SIPA1L2: variants seen among roughly 807,000 people sequenced by gnomAD.
The protein encoded by SIPA1L2 is signal-induced proliferation-associated 1-like protein 2.
Under a neutral mutation model 163.9 loss-of-function variants are expected in SIPA1L2, and 56 were observed. The observed-to-expected ratio is 0.34, with a 90% CI of 0.28 to 0.43. The LOEUF (loss-of-function observed/expected upper bound fraction) is 0.43, where lower values mean the gene tolerates loss of function less well. Among genes scored for constraint, SIPA1L2 ranks in the 20% least tolerant of loss-of-function variants. The pLI, the probability that SIPA1L2 is intolerant of heterozygous loss-of-function variation, is 1.00. For synonymous variants in SIPA1L2, 877 were observed against 865.7 expected (o/e 1.01, Z -0.23); for missense variants, 1,974 against 2,193.5 (o/e 0.90, Z 2.00).
At chr1:232,582,755 T>C (rs552404532) in intron 1 of SIPA1L2, among the ~76,000 whole-genome samples, 17 of 152,332 alleles carry the variant, frequency 1.1e-4, no homozygotes, top group Admixed American at 9.8e-4. Context: ...TGAACTAATC[T>C]GCATTCCCCC....
At position 232,465,493 on chromosome 1, in the gene SIPA1L2, T is replaced by TACAC. The variant is rs1339800053; in HGVS notation, c.2244-78_2244-77insGTGT. The TACAC allele has an allele frequency of 6.2e-6, 7 of 1,134,996 alleles. No individual in the cohort carries two copies. The highest frequency in any genetic ancestry group is 7.6e-6 in the Non-Finnish European group (6 of 785,392). 70.3% of individuals were successfully genotyped at this position (1,134,996 alleles called of 1,614,324 possible). The stretch of plus-strand genomic sequence containing the variant: ...TGTATCTTTCCGAATTTGACATATA[T>TACAC]ATACACACACACACACATATACATA... On this transcript the variant is annotated intron_variant, in intron 8 of 22. Coordinates refer to ENST00000674635, the MANE Select transcript of SIPA1L2 (RefSeq NM_020808.5). The surrounding 1 kb of genome is among the most constrained non-coding windows in gnomAD (Gnocchi z 4.1).
At chr1:232,497,981 T>A (rs1316360859) in intron 3 of SIPA1L2, among the ~76,000 whole-genome samples, 1 of 152,178 alleles carries the variant, frequency 6.6e-6, no homozygotes, top group African/African-American at 2.4e-5. Context: ...TCCTGCTCCC[T>A]CTGCCTGGAA....
At chr1:232,534,651 A>G (rs1573041526) in intron 2 of SIPA1L2, among the ~76,000 whole-genome samples, 1 of 152,348 alleles carries the variant, frequency 6.6e-6, no homozygotes, top group African/African-American at 2.4e-5. Flanking sequence ...GTATCTGATA[A>G]GCAGGAGTGT....
Position 232,464,976 on chromosome 1 carries a change from C to G in SIPA1L2, c.2684G>C (p.Cys895Ser). 1 of 1,614,178 alleles carries G rather than the reference C, an allele frequency of 6.2e-7. No homozygotes were observed. The highest frequency in any genetic ancestry group is 8.5e-7 in the Non-Finnish European group (1 of 1,180,034). The change falls in exon 9 of 23, where the codon TGT becomes TCT. Residue 895 changes from cysteine (C) to serine (S), a missense_variant. Cys to Ser is a moderately radical substitution (Grantham distance 112). Around this residue, in one of 3 missense-constraint regions of SIPA1L2, gnomAD observed 1,079 missense variants for 1,150.7 expected, o/e 0.94. Coordinates refer to ENST00000674635, the MANE Select transcript of SIPA1L2 (RefSeq NM_020808.5). ...CCACCCAATCACATCCCTGCAGGAA[C>G]AGTTGAATACAACATTCTTGGAATC... is the stretch of plus-strand genomic sequence containing the variant. ...EKDSKNVVFN[C>S]SCRDVIGWTS...
intron 2 of SIPA1L2, among the ~76,000 whole-genome samples, chr1:232,523,825 T>C (rs1259750104): frequency 6.6e-6 from 1 of 151,988 alleles, no homozygotes; most frequent in Non-Finnish European, 1.5e-5. Flanking sequence ...GTGCAAAGCG[T>C]GTCCCATCAC....
chr1:232,593,146 A>T (rs906227359), intron 1 of SIPA1L2, among the ~76,000 whole-genome samples: 2 of 152,246 alleles, frequency 1.3e-5, no homozygotes, highest in African/African-American at 2.4e-5. Flanking sequence ...ACGTATTTAC[A>T]ACAAACACAA....
At chr1:232,582,131 A>T (rs150732512) in intron 1 of SIPA1L2, among the ~76,000 whole-genome samples, 1 of 152,350 alleles carries the variant, frequency 6.6e-6, no homozygotes, top group East Asian at 1.9e-4. Context: ...TTTGTTGATG[A>T]TGATGTCATG....
At chr1:232,593,666 C>T (rs146685355) in intron 1 of SIPA1L2, among the ~76,000 whole-genome samples, 136 of 152,240 alleles carry the variant, frequency 8.9e-4, no homozygotes, top group Non-Finnish European at 1.7e-3. Flanking sequence ...GAGTGGCCAG[C>T]ATTTTCCAAC....
intron 16 of SIPA1L2, among the ~76,000 whole-genome samples, chr1:232,431,408 C>T (rs1662231615): frequency 6.6e-6 from 1 of 152,118 alleles, no homozygotes; most frequent in Non-Finnish European, 1.5e-5. Context: ...GTATTTAAGA[C>T]ACAGGATCAT....
chr1:232,505,443 T>C (rs1181703035), intron 3 of SIPA1L2, among the ~76,000 whole-genome samples: 1 of 152,170 alleles, frequency 6.6e-6, no homozygotes, highest in Non-Finnish European at 1.5e-5. Flanking sequence ...TGTAAAGAAA[T>C]ATTAAGTCTT....
At chr1:232,442,708 G>T (rs1341539056) in intron 12 of SIPA1L2, among the ~76,000 whole-genome samples, 1 of 152,050 alleles carries the variant, frequency 6.6e-6, no homozygotes, top group Non-Finnish European at 1.5e-5. Flanking sequence ...GAAGACCTTG[G>T]TTTACAGAAA....
In SIPA1L2 at chr1:232,432,475, A is replaced by G. The variant is rs1662303389; in HGVS notation, c.4032-4T>C. 6.2e-7 allele frequency: 1 copy of G among 1,613,262 alleles called. No individual in the cohort carries two copies. Among genetic ancestry groups the G allele is most frequent in the African/African-American group, 1.3e-5 (1 of 74,920 alleles). ...GCTTCCTGAATGGTGAGAACCACTG[A>G]GGAGAAAAACAGACAAAAGCTGCAA... is the stretch of plus-strand genomic sequence containing the variant. On this transcript the variant is annotated splice_region_variant and splice_polypyrimidine_tract_variant and intron_variant, in intron 15 of 22. Transcript: ENST00000674635.
In SIPA1L2 at chr1:232,515,356, C is replaced by A; in HGVS notation, c.-17G>T. On this transcript the variant is annotated 5_prime_UTR_variant, in exon 3 of 23. Transcript: ENST00000674635. Reference sequence around the variant, plus strand: ...GTCACTCATGTCTACCGAGGAAGAGCCTCCAAGTCTCACCAGGAAGACTGA... The same window carrying A: ...GTCACTCATGTCTACCGAGGAAGAGACTCCAAGTCTCACCAGGAAGACTGA... The A allele has an allele frequency of 1.3e-6, 2 of 1,553,330 alleles. No homozygotes were observed. The highest frequency in any genetic ancestry group is 1.7e-4 in the Middle Eastern group (1 of 5,772).
intron 1 of SIPA1L2, among the ~76,000 whole-genome samples, chr1:232,591,812 A>G (rs1660980079): frequency 6.6e-6 from 1 of 152,204 alleles, no homozygotes; most frequent in Admixed American, 6.5e-5. Flanking sequence ...CTACTTCAAA[A>G]TCCAGTTTAT....
At position 232,540,725 on chromosome 1, in the gene SIPA1L2, A is replaced by AAG. The variant is rs567809990; in HGVS notation, c.-269-25119_-269-25118dup. Among the ~76,000 whole-genome samples, 30 of 152,186 alleles carry AAG rather than the reference A, an allele frequency of 2.0e-4. No homozygotes were observed. The East Asian group carries it at 4.1e-3, about 21-fold the overall frequency. On this transcript the variant is annotated intron_variant, in intron 2 of 22. Coordinates refer to ENST00000674635, the MANE Select transcript of SIPA1L2 (RefSeq NM_020808.5). ...ACGGAGAAAGAAATCAGGCAAATGCAAGAGAGAGAGAGAAAGGAAAGAATA... is the reference window on the plus strand; with the variant it reads ...ACGGAGAAAGAAATCAGGCAAATGCAAGAGAGAGAGAGAGAAAGGAAAGAATA...
chr1:232,490,573 T>C (rs1665874920), intron 5 of SIPA1L2: 2 of 260,086 alleles, frequency 7.7e-6, no homozygotes, highest in Non-Finnish European at 1.4e-5. Context: ...TTTTAAACCC[T>C]GGAAAAAAAC....
intron 2 of SIPA1L2, among the ~76,000 whole-genome samples, chr1:232,521,225 CTT>C (rs1027585350): frequency 6.6e-6 from 1 of 152,144 alleles, no homozygotes; most frequent in African/African-American, 2.4e-5. Context: ...GGAATAAAAT[CTT>C]TTCTTGCTGG....
At chr1:232,487,310 C>A (rs10910542) in intron 5 of SIPA1L2, among the ~76,000 whole-genome samples, 44,753 of 152,074 alleles carry the variant, frequency 0.29, 7,386 homozygotes, top group East Asian at 0.73. Flanking sequence ...TCGAGCATAT[C>A]TTTGAGTGTG....
rs76997598 is a variant in SIPA1L2 at position 232,521,363 on chromosome 1, G to A, written c.-269-5755C>T. On this transcript the variant is annotated intron_variant, in intron 2 of 22. Transcript: ENST00000674635. Reference sequence around the variant, plus strand: ...TGTAGTTAAGAATTTTTTCATTGGAGTAAAGCAGGACCTCAATAAAGAAAC... The same window carrying A: ...TGTAGTTAAGAATTTTTTCATTGGAATAAAGCAGGACCTCAATAAAGAAAC... Among the ~76,000 whole-genome samples the A allele has an allele frequency of 6.3e-3, 953 of 152,284 alleles. 12 individuals are homozygous for A. Among genetic ancestry groups the A allele is most frequent in the African/African-American group, 0.022 (911 of 41,550 alleles).
Sources: gnomAD v4.1 joint callset for allele counts (sites outside exome capture counted in the v4.1 genomes callset) on GRCh38, gnomAD v4.1.1 for gene constraint, gnomAD v4.1.1 regional missense constraint, Gnocchi (gnomAD v3.1) non-coding constraint, MANE v1.5 for transcripts, NCBI Gene and HGNC (gene_info 2026-07-23, HGNC 2026-07-21) for gene names.